The following SLC22A5 variants were observed in gnomAD, a reference collection of about 807,000 sequenced individuals.
SLC22A5 encodes organic cation/carnitine transporter 2.
SLC22A5 carries 44 observed loss-of-function variants against 56.7 expected under a neutral mutation model. The observed-to-expected ratio is 0.78, with a 90% CI of 0.61 to 1.00. The LOEUF (loss-of-function observed/expected upper bound fraction) is 1.00, where lower values mean the gene tolerates loss of function less well. Ranked by LOEUF, SLC22A5 falls within the 50% of genes least tolerant of loss-of-function variation. The pLI is 0.00. For missense variants in SLC22A5, 675 were observed against 723.0 expected, an observed-to-expected ratio of 0.93 and a Z score of 0.76; for synonymous variants, 278 against 292.1, an observed-to-expected ratio of 0.95 and a Z score of 0.49.
In SLC22A5 at chr5:132,369,897, G is replaced by T; in HGVS notation, c.-76G>T. On this transcript the variant is annotated 5_prime_UTR_variant, in exon 1 of 10. Transcript: ENST00000245407. ...TGCCTGGCTTGCCTGGTCGGCGGCG[G>T]GTGCCCCGCGCGCACGCGCAAAGCC... 1 of 1,566,644 alleles carries T rather than the reference G, an allele frequency of 6.4e-7. No homozygotes were observed. Among genetic ancestry groups the T allele is most frequent in the African/African-American group, 1.4e-5 (1 of 73,792 alleles).
rs386134206 is a variant in SLC22A5, at chr5:132,385,367, C to T, written c.692C>T (p.Ser231Phe). 2.5e-6 allele frequency: 4 copies of T among 1,613,976 alleles called. No homozygotes were observed. Among genetic ancestry groups the T allele is most frequent in the Non-Finnish European group, 3.4e-6 (4 of 1,179,942 alleles). Residue 231 changes from serine (S) to phenylalanine (F), a missense_variant, in exon 4 of 10, where the codon TCT becomes TTT. Transcript: ENST00000245407. ...ILGKSVRIIF[S>F]TLGVCIFYAF... Reference sequence around the variant, plus strand: ...GGCAAGTCAGTTCGTATAATATTCTCTACGTTAGGAGTGTGCATATTTTAT... The same window carrying T: ...GGCAAGTCAGTTCGTATAATATTCTTTACGTTAGGAGTGTGCATATTTTAT...
intron 2 of SLC22A5, 68 bp downstream of exon 2, chr5:132,378,549 T>C: frequency 9.0e-7 from 1 of 1,116,878 alleles, no homozygotes; most frequent in Non-Finnish European, 1.4e-6. Flanking sequence ...GCCTGGCCCT[T>C]GATTTCAGTT....
chr5:132,372,985 G>A (rs1214636987), intron 1 of SLC22A5, among the ~76,000 whole-genome samples: 1 of 152,158 alleles, frequency 6.6e-6, no homozygotes, highest in African/African-American at 2.4e-5. Context: ...CAGGTGTCCT[G>A]TTTGGATTTT....
At chr5:132,391,458 T>C (rs969106365) in intron 7 of SLC22A5, among the ~76,000 whole-genome samples, 1 of 152,210 alleles carries the variant, frequency 6.6e-6, no homozygotes, top group Admixed American at 6.5e-5. Flanking sequence ...GTTTACATAG[T>C]CACAGATAGT....
At chr5:132,371,120 C>T (rs920229303) in intron 1 of SLC22A5, among the ~76,000 whole-genome samples, 2 of 152,200 alleles carry the variant, frequency 1.3e-5, no homozygotes, top group Admixed American at 1.3e-4. Context: ...CTGTGAGCCA[C>T]GACGCCCAGC....
At chr5:132,388,874 C>A in intron 5 of SLC22A5, 47 bp from the exon 6 acceptor site, 1 of 1,220,286 alleles carries the variant, frequency 8.2e-7, no homozygotes, top group Non-Finnish European at 1.2e-6. Context: ...TGCTCTGAGT[C>A]TCTGACCACC....
At position 132,384,280 on chromosome 5, in the gene SLC22A5, T is replaced by C. The variant is rs780314370; in HGVS notation, c.631T>C (p.Tyr211His). The C allele has an allele frequency of 6.2e-7, 1 of 1,614,218 alleles. No individual in the cohort carries two copies. The highest frequency in any genetic ancestry group is 8.5e-7 in the Non-Finnish European group (1 of 1,180,024). Reference protein sequence around the residue: ...VLVGMGQISNYVAAFVLGTEI... With the variant: ...VLVGMGQISNHVAAFVLGTEI... ...TGTAGGCATGGGCCAGATCTCCAACTATGTGGCAGCATTTGTCCTGGGTAT... is the reference window on the plus strand; with the variant it reads ...TGTAGGCATGGGCCAGATCTCCAACCATGTGGCAGCATTTGTCCTGGGTAT... The change falls in exon 3 of 10, where the codon TAT (tyrosine) becomes CAT (histidine). Residue 211 changes from tyrosine (Y) to histidine (H), a missense_variant. Tyr to His is a moderately conservative substitution (Grantham distance 83). Coordinates refer to ENST00000245407, the MANE Select transcript of SLC22A5 (RefSeq NM_003060.4).
At position 132,390,924 on chromosome 5, in the gene SLC22A5, A is replaced by G. The variant is rs372336902; in HGVS notation, c.1267+20A>G. The G allele has an allele frequency of 5.7e-5, 91 of 1,599,010 alleles. No homozygotes were observed. The highest frequency in any genetic ancestry group is 5.4e-4 in the Middle Eastern group (3 of 5,568). ...CCCCAGGTAGGGACCATGTGCATCT[A>G]TGGTTTGGGGTCTTCACTGAGTCTC... is the stretch of plus-strand genomic sequence containing the variant. On this transcript the variant is annotated intron_variant, in intron 7 of 9. Coordinates refer to ENST00000245407, the MANE Select transcript of SLC22A5 (RefSeq NM_003060.4).
chr5:132,392,522 C>T lies in SLC22A5; in HGVS notation c.1357C>T (p.Leu453=), dbSNP rs1752738264. 15 of 1,614,126 alleles carry T rather than the reference C, an allele frequency of 9.3e-6. No homozygotes were observed. Among genetic ancestry groups the T allele is most frequent in the Non-Finnish European group, 1.3e-5 (15 of 1,179,978 alleles). ...FSMVYVYTAE[L]YPTVVRNMGV... is the part of the protein sequence containing the mutation. ...CATGGTCTACGTGTACACAGCCGAG[C>T]TGTATCCCACAGTGGTGAGAAACAT... Residue 453 remains leucine, a synonymous_variant, in exon 8 of 10, where the codon CTG becomes TTG. Coordinates refer to ENST00000245407, the MANE Select transcript of SLC22A5 (RefSeq NM_003060.4).
intron 4 of SLC22A5, among the ~76,000 whole-genome samples, chr5:132,386,597 G>A (rs1752539558): frequency 1.3e-5 from 2 of 152,194 alleles, no homozygotes; most frequent in Admixed American, 6.5e-5. Flanking sequence ...GGTGAGGAGA[G>A]AAGAGAAGCT....
intron 8 of SLC22A5, among the ~76,000 whole-genome samples, chr5:132,393,229 T>C (rs539380159): frequency 1.2e-4 from 18 of 152,250 alleles, no homozygotes; most frequent in Admixed American, 2.6e-4. Context: ...GAACATGCTA[T>C]GTAGATCTCA....
Position 132,369,976 on chromosome 5 carries a change from C to G in SLC22A5, c.4C>G (p.Arg2Gly), listed in dbSNP as rs762330138. 3.1e-6 allele frequency: 5 copies of G among 1,612,820 alleles called. No individual in the cohort carries two copies. In the East Asian group the frequency reaches 1.1e-4, roughly 36 times the overall value. The change falls in exon 1 of 10, where the codon CGG (arginine) becomes GGG (glycine). Residue 2 changes from arginine to glycine, a missense_variant. Coordinates refer to ENST00000245407, the MANE Select transcript of SLC22A5 (RefSeq NM_003060.4). Reference protein sequence around the residue: MRDYDEVTAFLG... With the variant: MGDYDEVTAFLG... ...TCTGTGGGCCTCTGAGGGCGGCATG[C>G]GGGACTACGACGAGGTGACCGCCTT...
At position 132,369,899 on chromosome 5, in the gene SLC22A5, T is replaced by G; in HGVS notation, c.-74T>G. 1.3e-6 allele frequency: 2 copies of G among 1,564,762 alleles called. No homozygotes were observed. Among genetic ancestry groups the G allele is most frequent in the East Asian group, 2.3e-5 (1 of 43,642 alleles). On this transcript the variant is annotated 5_prime_UTR_variant, in exon 1 of 10. Transcript: ENST00000245407. ...CCTGGCTTGCCTGGTCGGCGGCGGG[T>G]GCCCCGCGCGCACGCGCAAAGCCCG...
At chr5:132,388,292 ACT>A (rs1752597653) in intron 5 of SLC22A5, among the ~76,000 whole-genome samples, 1 of 152,160 alleles carries the variant, frequency 6.6e-6, no homozygotes, top group African/African-American at 2.4e-5. Context: ...TGAACTTCTA[ACT>A]CTGGAAAAAC....
At chr5:132,383,876 G>C in intron 2 of SLC22A5, 1 of 475,916 alleles carries the variant, frequency 2.1e-6, no homozygotes, top group South Asian at 2.8e-5. Flanking sequence ...TTAAATAATT[G>C]ATGTATTTCA....
intron 1 of SLC22A5, 115 bp from the exon 2 acceptor site, chr5:132,378,263 C>T (rs1752217350): frequency 1.2e-6 from 2 of 1,613,952 alleles, no homozygotes; most frequent in Admixed American, 1.7e-5. Flanking sequence ...TAAGTGAGTT[C>T]ACACTCAGAG....
chr5:132,391,005 A>G (rs1752680674), intron 7 of SLC22A5, 101 bp downstream of exon 7: 1 of 946,740 alleles, frequency 1.1e-6, no homozygotes, highest in Non-Finnish European at 1.7e-6. Flanking sequence ...AGCCCATCAC[A>G]GCTCCCTTGC....
At chr5:132,370,863 C>T (rs947369672) in intron 1 of SLC22A5, among the ~76,000 whole-genome samples, 5 of 152,146 alleles carry the variant, frequency 3.3e-5, no homozygotes, top group Non-Finnish European at 7.4e-5. Context: ...CCTCTAGTTA[C>T]TCCTTCCCCT....
In SLC22A5 at chr5:132,374,497, C is replaced by T. The variant is rs749444133; in HGVS notation, c.394-3881C>T. On this transcript the variant is annotated intron_variant, in intron 1 of 9. Coordinates refer to ENST00000245407, the MANE Select transcript of SLC22A5 (RefSeq NM_003060.4). ...GGGCTGACTCTGGGCAGCAGAGACC[C>T]GAGAGACCTGGAGCTTGAACCTCAC... is the stretch of plus-strand genomic sequence containing the variant. 5.3e-5 allele frequency among the ~76,000 whole-genome samples: 8 copies of T among 152,272 alleles called. No homozygotes were observed. The South Asian group carries it at 6.2e-4, about 12-fold the overall frequency.
Sources: allele counts gnomAD v4.1 joint callset (sites outside exome capture counted in the v4.1 genomes callset), GRCh38; gene constraint gnomAD v4.1.1; transcripts MANE v1.5; gene names NCBI Gene and HGNC (gene_info 2026-07-23, HGNC 2026-07-21).